Variants in CCDC149 observed in about 807,000 individuals in gnomAD.
CCDC149 encodes the protein coiled-coil domain-containing protein 149.
CCDC149 carries 45 observed loss-of-function variants against 59.9 expected under a neutral mutation model. That is an observed-to-expected ratio of 0.75 (90% CI 0.59 to 0.96). The LOEUF (loss-of-function observed/expected upper bound fraction) is 0.96. CCDC149 is among the 40% of genes least tolerant of loss of function. The pLI is 0.00. For synonymous variants in CCDC149, 245 were observed against 260.6 expected (o/e 0.94, Z 0.58); for missense variants, 584 against 664.7 (o/e 0.88, Z 1.33).
At chr4:24,880,836 C>T (rs1404348640) in intron 1 of CCDC149, among the ~76,000 whole-genome samples, 1 of 152,110 alleles carries the variant, frequency 6.6e-6, no homozygotes, top group East Asian at 1.9e-4. Context: ...AGCCATAATA[C>T]AAAAGGACCA....
At chr4:24,939,094 T>C (rs1420229760) in intron 1 of CCDC149, among the ~76,000 whole-genome samples, 2 of 152,200 alleles carry the variant, frequency 1.3e-5, no homozygotes, top group Non-Finnish European at 2.9e-5. Context: ...GCAGACTGCC[T>C]CCTCAAGTGG....
intron 1 of CCDC149, among the ~76,000 whole-genome samples, chr4:24,905,597 AG>A (rs1677811855): frequency 3.7e-5 from 2 of 53,978 alleles, no homozygotes; most frequent in South Asian, 6.4e-4. Context: ...CACCACGCCC[AG>A]CTAATTTTTG....
chr4:24,836,245 G>A (rs1369887024), intron 7 of CCDC149, among the ~76,000 whole-genome samples, 191 bp downstream of exon 7: 4 of 152,220 alleles, frequency 2.6e-5, no homozygotes, highest in African/African-American at 9.6e-5. Context: ...CTTGCGAAAA[G>A]CTGCTTTGGT....
At chr4:24,805,985 C>T (rs926774023), downstream of CCDC149, 2 of 152,136 alleles carry the variant, frequency 1.3e-5, no homozygotes. Flanking sequence ...ATTTCCCTAC[C>T]GCTTAAGTTT....
In CCDC149 at chr4:24,837,929, G is replaced by A. The variant is rs1377544223; in HGVS notation, c.489+227C>T. On this transcript the variant is annotated intron_variant, in intron 5 of 12. Coordinates refer to ENST00000635206, the MANE Select transcript of CCDC149 (RefSeq NM_001330643.2). This position sits in a 1 kb window ranked among gnomAD's most constrained non-coding sequence, Gnocchi z 4.3. ...CTGGCTAGGAGGAACGTTTCTTGTT[G>A]TGTTCAGAACAATGGTACCCAATAG... Among the ~76,000 whole-genome samples, 2 of 152,182 alleles carry A rather than the reference G, an allele frequency of 1.3e-5. No homozygotes were observed. Among genetic ancestry groups the A allele is most frequent in the Non-Finnish European group, 2.9e-5 (2 of 68,024 alleles).
At chr4:24,847,435 C>T (rs552917250) in intron 4 of CCDC149, among the ~76,000 whole-genome samples, 2 of 152,228 alleles carry the variant, frequency 1.3e-5, no homozygotes, top group African/African-American at 4.8e-5. Flanking sequence ...AAATTACTTA[C>T]GTATTTTATT....
At chr4:24,832,293 G>T (rs1411034928) in intron 8 of CCDC149, among the ~76,000 whole-genome samples, 1 of 152,114 alleles carries the variant, frequency 6.6e-6, no homozygotes, top group Non-Finnish European at 1.5e-5. Flanking sequence ...CTTTAAAATC[G>T]ACTTAAAGAA....
chr4:24,907,512 A>G (rs1721603365), intron 1 of CCDC149, among the ~76,000 whole-genome samples: 1 of 152,130 alleles, frequency 6.6e-6, no homozygotes, highest in African/African-American at 2.4e-5. Context: ...GTGGATTTAA[A>G]TGGAGCATCC....
chr4:24,940,342 T>TG lies in CCDC149; in HGVS notation c.-65+39726dup, dbSNP rs1722916937. On this transcript the variant is annotated intron_variant, in intron 1 of 12. Coordinates refer to the CCDC149 transcript ENST00000389609. ...ATAAAATACTTTACAGACAAGCAAATGCTGAGAGATTTTGTCACCACCAGG... is the reference window on the plus strand; with the variant it reads ...ATAAAATACTTTACAGACAAGCAAATGGCTGAGAGATTTTGTCACCACCAGG... Among the ~76,000 whole-genome samples, 3 of 152,220 alleles carry TG rather than the reference T, an allele frequency of 2.0e-5. No individual in the cohort carries two copies. In the South Asian group the frequency reaches 6.2e-4, roughly 32 times the overall value.
chr4:24,804,721 A>G (rs1403825706), downstream of CCDC149, among the ~76,000 whole-genome samples: 1 of 152,156 alleles, frequency 6.6e-6, no homozygotes, highest in Non-Finnish European at 1.5e-5. Context: ...CCGGGGTGCA[A>G]AGGCTCCCGG....
At chr4:24,907,348 G>A (rs966079285) in intron 1 of CCDC149, among the ~76,000 whole-genome samples, 7 of 152,172 alleles carry the variant, frequency 4.6e-5, no homozygotes, top group Admixed American at 1.3e-4. Flanking sequence ...CTCCCTCTTC[G>A]AAAAGAAGCC....
chr4:24,839,036 A>T (rs952490122), intron 4 of CCDC149, among the ~76,000 whole-genome samples: 4 of 125,288 alleles, frequency 3.2e-5, no homozygotes, highest in African/African-American at 8.1e-5. Context: ...TCTCACACAC[A>T]CACACACACA....
intron 1 of CCDC149, among the ~76,000 whole-genome samples, chr4:24,887,736 G>A (rs1720272127): frequency 6.6e-6 from 1 of 151,792 alleles, no homozygotes; most frequent in African/African-American, 2.4e-5. Flanking sequence ...GCAGCCTTCT[G>A]GTTTCCCTAC....
intron 4 of CCDC149, 147 bp from the exon 5 acceptor site, chr4:24,838,419 T>C (rs1001040303): frequency 1.6e-6 from 1 of 632,456 alleles, no homozygotes; most frequent in Non-Finnish European, 2.8e-6. Flanking sequence ...GCCAGTATCA[T>C]CCATTTTTTA....
At chr4:24,817,776 T>C (rs978726943) in intron 12 of CCDC149, among the ~76,000 whole-genome samples, 10 of 151,904 alleles carry the variant, frequency 6.6e-5, no homozygotes, top group African/African-American at 1.4e-4. Flanking sequence ...AAACAATACA[T>C]AGTTGTTGCT....
intron 3 of CCDC149, among the ~76,000 whole-genome samples, chr4:24,865,117 A>C (rs1192753391): frequency 6.6e-6 from 1 of 152,210 alleles, no homozygotes; most frequent in East Asian, 1.9e-4. Flanking sequence ...GGAACTCAAA[A>C]ATTAGAAGAA....
chr4:24,948,446 C>T (rs560468176), intron 1 of CCDC149, among the ~76,000 whole-genome samples: 1 of 152,358 alleles, frequency 6.6e-6, no homozygotes, highest in South Asian at 2.1e-4. Flanking sequence ...TTTGCCTCTG[C>T]AGACCCATGC....
chr4:24,866,835 A>ACACACT (rs1362329604), intron 3 of CCDC149, among the ~76,000 whole-genome samples: 1 of 150,006 alleles, frequency 6.7e-6, no homozygotes, highest in African/African-American at 2.5e-5. Flanking sequence ...ACACACACAC[A>ACACACT]CACACACACG....
intron 1 of CCDC149, among the ~76,000 whole-genome samples, chr4:24,949,794 G>A (rs533177074): frequency 2.2e-4 from 33 of 152,320 alleles, no homozygotes; most frequent in Admixed American, 7.8e-4. Context: ...AATTCCCTGC[G>A]TGGGAAGGAA....
Sources: gnomAD v4.1 joint callset for allele counts (sites outside exome capture counted in the v4.1 genomes callset) on GRCh38, gnomAD v4.1.1 for gene constraint, Gnocchi (gnomAD v3.1) non-coding constraint, MANE v1.5 for transcripts, NCBI Gene and HGNC (gene_info 2026-07-23, HGNC 2026-07-21) for gene names.